SLC14A2: variants seen among roughly 807,000 people sequenced by gnomAD.
SLC14A2 encodes urea transporter 2.
In SLC14A2, 91 loss-of-function variants were observed where a neutral mutation model predicts 104.6. The observed-to-expected ratio is 0.87, with a 90% CI of 0.73 to 1.04. SLC14A2 has a LOEUF of 1.04. Among genes scored for constraint, SLC14A2 ranks in the 50% least tolerant of loss-of-function variants. The pLI, the probability that SLC14A2 is intolerant of heterozygous loss-of-function variation, is 0.00. For synonymous variants in SLC14A2, 476 were observed against 466.4 expected (o/e 1.02, Z -0.27); for missense variants, 1,189 against 1,156.0 (o/e 1.03, Z -0.41).
chr18:45,358,088 T>G (rs2085573777), intron 1 of SLC14A2, among the ~76,000 whole-genome samples: 1 of 152,182 alleles, frequency 6.6e-6, no homozygotes, highest in African/African-American at 2.4e-5. Flanking sequence ...CCTTTTTGCT[T>G]GGTGAAGTGC....
intron 1 of SLC14A2, among the ~76,000 whole-genome samples, chr18:45,480,004 A>G (rs1004310060): frequency 6.6e-6 from 1 of 152,162 alleles, no homozygotes; most frequent in Non-Finnish European, 1.5e-5. Context: ...AAGGATTTGC[A>G]TGGTTCAGTA....
chr18:45,419,208 T>C (rs1386431263), intron 1 of SLC14A2, among the ~76,000 whole-genome samples: 1 of 152,200 alleles, frequency 6.6e-6, no homozygotes, highest in Non-Finnish European at 1.5e-5. Context: ...ATATTCACTC[T>C]ATGTGGTGGA....
chr18:45,235,083 GAACA>G lies in SLC14A2; in HGVS notation c.-125+21898_-125+21901del, dbSNP rs1456574278. On this transcript the variant is annotated intron_variant, in intron 1 of 20. Transcript: ENST00000586448. ...GAATCTTCAAATCTGCCTCTTTTCT[GAACA>G]AACAAGTAATTCTTCTAATCAGGCA... Among the ~76,000 whole-genome samples, 3 of 152,076 alleles carry G rather than the reference GAACA, an allele frequency of 2.0e-5. No individual in the cohort carries two copies. The East Asian group carries it at 5.8e-4, about 29-fold the overall frequency.
chr18:45,477,703 A>G (rs1464187593), intron 1 of SLC14A2, among the ~76,000 whole-genome samples: 1 of 152,198 alleles, frequency 6.6e-6, no homozygotes, highest in South Asian at 2.1e-4. Context: ...AATTTAGAGA[A>G]GCAGTCTGGC....
At chr18:45,253,107 G>A (rs931909120) in intron 1 of SLC14A2, among the ~76,000 whole-genome samples, 4 of 152,130 alleles carry the variant, frequency 2.6e-5, no homozygotes, top group Admixed American at 2.6e-4. Flanking sequence ...ATCACCCAGA[G>A]GATATGTTAA....
At chr18:45,535,557 T>G (rs1455929361) in intron 2 of SLC14A2, among the ~76,000 whole-genome samples, 1 of 152,160 alleles carries the variant, frequency 6.6e-6, no homozygotes, top group African/African-American at 2.4e-5. Flanking sequence ...TGTCTAAGAT[T>G]GTGCAAAGAA....
intron 12 of SLC14A2, among the ~76,000 whole-genome samples, chr18:45,666,697 C>T (rs2046030573): frequency 6.6e-6 from 1 of 152,056 alleles, no homozygotes; most frequent in Non-Finnish European, 1.5e-5. Context: ...CCAGAGTCCT[C>T]CTCCACAGAA....
At chr18:45,436,990 G>T (rs993006924) in intron 1 of SLC14A2, among the ~76,000 whole-genome samples, 1 of 152,128 alleles carries the variant, frequency 6.6e-6, no homozygotes, top group Admixed American at 6.5e-5. Context: ...AGGATTCTAG[G>T]TTGGGCCACA....
chr18:45,564,764 CATT>C (rs1277956554), intron 2 of SLC14A2, among the ~76,000 whole-genome samples: 1 of 152,082 alleles, frequency 6.6e-6, no homozygotes, highest in African/African-American at 2.4e-5. Context: ...GTTTAAGCAT[CATT>C]ATCATGACAG....
chr18:45,307,828 G>C (rs1024890215), intron 1 of SLC14A2, among the ~76,000 whole-genome samples: 1 of 152,208 alleles, frequency 6.6e-6, no homozygotes, highest in African/African-American at 2.4e-5. Context: ...GTTAGTTTGT[G>C]TTGCCACAAA....
chr18:45,394,833 T>C (rs1054477346), intron 1 of SLC14A2, among the ~76,000 whole-genome samples: 6 of 152,208 alleles, frequency 3.9e-5, no homozygotes, highest in Non-Finnish European at 5.9e-5. Context: ...GTTGATTGTT[T>C]ACTTTGCTGA....
At chr18:45,302,339 A>C (rs1219534495) in intron 1 of SLC14A2, among the ~76,000 whole-genome samples, 1 of 152,120 alleles carries the variant, frequency 6.6e-6, no homozygotes, top group Non-Finnish European at 1.5e-5. Context: ...GGCAGGTGGG[A>C]GCCATAAGAA....
intron 1 of SLC14A2, among the ~76,000 whole-genome samples, chr18:45,299,146 T>C (rs1043853364): frequency 2.0e-5 from 3 of 152,380 alleles, no homozygotes; most frequent in African/African-American, 7.2e-5. Flanking sequence ...ATAGCTCAGC[T>C]CCTAATACAT....
At chr18:45,178,433 C>T in the SLC14A2 span, among the ~76,000 whole-genome samples, 1 of 151,568 alleles carries the variant, frequency 6.6e-6, no homozygotes. Flanking sequence ...ACGTTATTGG[C>T]ATTAAAGAAC....
At chr18:45,682,285 G>A (rs751881610) in intron 19 of SLC14A2, 34 bp from the exon 20 acceptor site, 2 of 1,604,148 alleles carry the variant, frequency 1.2e-6, no homozygotes, top group African/African-American at 1.3e-5. Flanking sequence ...GGCACCTGAT[G>A]TGACCAAGGC....
intron 1 of SLC14A2, among the ~76,000 whole-genome samples, chr18:45,318,349 A>G (rs1363060814): frequency 6.6e-6 from 1 of 152,144 alleles, no homozygotes; most frequent in Non-Finnish European, 1.5e-5. Flanking sequence ...GCACTGGGTC[A>G]TGTGCTCCAG....
intron 1 of SLC14A2, among the ~76,000 whole-genome samples, chr18:45,455,468 G>A (rs2086926538): frequency 1.3e-5 from 2 of 151,954 alleles, no homozygotes; most frequent in African/African-American, 2.4e-5. Flanking sequence ...CACAGGGAGG[G>A]GAACATCACA....
At chr18:45,522,974 G>A (rs1202985105) in intron 2 of SLC14A2, among the ~76,000 whole-genome samples, 2 of 152,232 alleles carry the variant, frequency 1.3e-5, no homozygotes, top group Non-Finnish European at 1.5e-5. Context: ...GGCTTGGCAC[G>A]CATGCAACCA....
At chr18:45,173,912 A>G in the SLC14A2 span, among the ~76,000 whole-genome samples, 1 of 152,132 alleles carries the variant, frequency 6.6e-6, no homozygotes, top group Non-Finnish European at 1.5e-5. Flanking sequence ...GTCTCAGGAC[A>G]CATAGCTAAT....
Sources: gnomAD v4.1 joint callset for allele counts (sites outside exome capture counted in the v4.1 genomes callset) on GRCh38, gnomAD v4.1.1 for gene constraint, MANE v1.5 for transcripts, NCBI Gene and HGNC (gene_info 2026-07-23, HGNC 2026-07-21) for gene names.